Variants in DENND5A observed in about 807,000 individuals in gnomAD.
DENND5A encodes the protein DENN domain containing 5A, also known as DENN domain-containing protein 5A.
Under a neutral mutation model 140.3 loss-of-function variants are expected in DENND5A, and 64 were observed. The ratio of observed to expected loss-of-function variants is 0.46; its 90% CI spans 0.37 to 0.56. The LOEUF is 0.56. Ranked by LOEUF, DENND5A falls within the 20% of genes least tolerant of loss-of-function variation. The pLI is 0.00. For synonymous variants in DENND5A, 605 were observed against 607.7 expected (o/e 1.00, Z 0.07); for missense variants, 1,292 against 1,593.8 (o/e 0.81, Z 3.22).
chr11:9,202,641 T>C (rs955525449), intron 4 of DENND5A, among the ~76,000 whole-genome samples: 2 of 152,218 alleles, frequency 1.3e-5, no homozygotes, highest in Non-Finnish European at 2.9e-5. Flanking sequence ...GTCCTTACAA[T>C]GGCCTACAAG....
intron 12 of DENND5A, among the ~76,000 whole-genome samples, chr11:9,158,077 CTAATAA>C (rs1847868534): frequency 6.6e-6 from 1 of 152,102 alleles, no homozygotes; most frequent in African/African-American, 2.4e-5. Context: ...ACCTAAATGA[CTAATAA>C]TAAGAGATTG....
At chr11:9,146,906 C>G in intron 16 of DENND5A, 124 bp downstream of exon 16, 1 of 1,181,180 alleles carries the variant, frequency 8.5e-7, no homozygotes, top group South Asian at 1.5e-5. Context: ...CCCACAGAGG[C>G]AAAAGACAAA....
intron 1 of DENND5A, among the ~76,000 whole-genome samples, chr11:9,263,553 A>C (rs1017319875): frequency 1.4e-5 from 2 of 147,942 alleles, no homozygotes; most frequent in Non-Finnish European, 3.0e-5. Context: ...TTTTCATAAG[A>C]AACACTGGGC....
intron 1 of DENND5A, among the ~76,000 whole-genome samples, chr11:9,237,977 T>C (rs915835063): frequency 1.3e-5 from 2 of 152,234 alleles, no homozygotes; most frequent in Non-Finnish European, 1.5e-5. Flanking sequence ...TAAGTGTACA[T>C]GGATATTTGA....
chr11:9,167,232 C>G (rs1267463300), intron 10 of DENND5A, among the ~76,000 whole-genome samples: 1 of 152,092 alleles, frequency 6.6e-6, no homozygotes, highest in Non-Finnish European at 1.5e-5. Context: ...AGTGGCATAA[C>G]TCTGTCCATT....
intron 12 of DENND5A, among the ~76,000 whole-genome samples, chr11:9,157,052 T>A (rs1847829801): frequency 2.0e-5 from 3 of 152,092 alleles, no homozygotes. Flanking sequence ...CTTCACTAAC[T>A]CCCTAGAAAT....
intron 1 of DENND5A, among the ~76,000 whole-genome samples, 168 bp downstream of exon 1, chr11:9,264,793 T>C (rs940354937): frequency 5.9e-5 from 9 of 152,050 alleles, no homozygotes; most frequent in African/African-American, 2.2e-4. Context: ...GAGCCCCTCA[T>C]CCGTTTCCCC....
intron 8 of DENND5A, among the ~76,000 whole-genome samples, chr11:9,177,425 G>C (rs906132862): frequency 6.6e-6 from 1 of 151,936 alleles, no homozygotes; most frequent in Non-Finnish European, 1.5e-5. Context: ...GCCAAGACAG[G>C]AGGATCACTT....
At chr11:9,234,798 A>G (rs570293151) in intron 1 of DENND5A, among the ~76,000 whole-genome samples, 63 of 152,302 alleles carry the variant, frequency 4.1e-4, no homozygotes, top group African/African-American at 1.5e-3. Context: ...TTTATTTCCC[A>G]TAAGGAATAC....
chr11:9,219,249 C>T (rs984569039), intron 1 of DENND5A, among the ~76,000 whole-genome samples: 1 of 152,000 alleles, frequency 6.6e-6, no homozygotes, highest in African/African-American at 2.4e-5. Context: ...CAGACCCACA[C>T]CAAGACACGT....
At chr11:9,231,410 G>A (rs1403418299) in intron 1 of DENND5A, among the ~76,000 whole-genome samples, 2 of 152,132 alleles carry the variant, frequency 1.3e-5, no homozygotes, top group African/African-American at 4.8e-5. Context: ...TAGCACATAA[G>A]CAGATTTAAG....
At chr11:9,213,036 TC>T (rs1282219990) in intron 1 of DENND5A, among the ~76,000 whole-genome samples, 1 of 147,004 alleles carries the variant, frequency 6.8e-6, no homozygotes. Context: ...AGAGTTTTAC[TC>T]TTGTTGCCCA....
chr11:9,157,003 A>G (rs1847827671), intron 12 of DENND5A, among the ~76,000 whole-genome samples: 2 of 152,212 alleles, frequency 1.3e-5, no homozygotes, highest in South Asian at 4.1e-4. Context: ...CTTAGAACAT[A>G]TAATGATACG....
chr11:9,143,459 A>C lies in DENND5A; in HGVS notation c.3331T>G (p.Ser1111Ala). ...PKLNTGQIQE[S>A]IGEAVNGIVK... ...ATGCCATTGACTGCCTCCCCGATGG[A>C]CTCCTGGATCTGCCCAGTGTTCAGC... is the stretch of plus-strand genomic sequence containing the variant. The change falls in exon 20 of 23, where the codon TCC (serine) becomes GCC (alanine). Residue 1111 changes from serine (S) to alanine (A), a missense_variant. By Grantham distance (99) the Ser-to-Ala change is moderately conservative. Coordinates refer to ENST00000328194, the MANE Select transcript of DENND5A (RefSeq NM_015213.4). 6.2e-7 allele frequency: 1 copy of C among 1,614,058 alleles called. No individual in the cohort carries two copies. The highest frequency in any genetic ancestry group is 8.5e-7 in the Non-Finnish European group (1 of 1,179,968).
At chr11:9,224,856 CAAA>C (rs1003433174) in intron 1 of DENND5A, among the ~76,000 whole-genome samples, 4 of 93,976 alleles carry the variant, frequency 4.3e-5, no homozygotes, top group Admixed American at 1.2e-4. Context: ...AGACTCCATC[CAAA>C]AAAAAAAAAA....
intron 5 of DENND5A, among the ~76,000 whole-genome samples, chr11:9,182,480 T>C (rs986765188): frequency 6.6e-6 from 1 of 152,220 alleles, no homozygotes; most frequent in Non-Finnish European, 1.5e-5. Flanking sequence ...ACTTCAGTCA[T>C]ATGCTTAAGC....
In DENND5A at chr11:9,203,766, T is replaced by C. The variant is rs762884904; in HGVS notation, c.843A>G (p.Leu281=). The C allele has an allele frequency of 1.2e-5, 20 of 1,614,136 alleles. No homozygotes were observed. Among genetic ancestry groups the C allele is most frequent in the Admixed American group, 3.3e-5 (2 of 60,016 alleles). Residue 281 remains leucine (L), a synonymous_variant, in exon 4 of 23, where the codon CTA becomes CTG. Transcript: ENST00000328194. ...CQRPSTNELP[L]FDFPVKEVFE... ...AAACCTCTTTGACAGGAAAGTCAAA[T>C]AGGGGAAGCTCATTGGTACTTGGTC... is the stretch of plus-strand genomic sequence containing the variant.
rs962011995 is a variant in DENND5A at position 9,165,976 on chromosome 11, A to C, written c.2152-9T>G. 1.2e-6 allele frequency: 2 copies of C among 1,614,072 alleles called. No individual in the cohort carries two copies. Among genetic ancestry groups the C allele is most frequent in the Admixed American group, 1.7e-5 (1 of 60,020 alleles). On this transcript the variant is annotated splice_polypyrimidine_tract_variant and intron_variant, in intron 10 of 22. Transcript: ENST00000328194. Reference sequence around the variant, plus strand: ...GCTTCCTGGATGTACTTCTATATCAAACAGAAAAATAAAGACCCTTTGTGT... The same window carrying C: ...GCTTCCTGGATGTACTTCTATATCACACAGAAAAATAAAGACCCTTTGTGT...
intron 1 of DENND5A, among the ~76,000 whole-genome samples, chr11:9,262,543 C>G (rs1320336441): frequency 6.6e-6 from 1 of 152,152 alleles, no homozygotes; most frequent in Non-Finnish European, 1.5e-5. Flanking sequence ...CTAGTGTATA[C>G]AGGCCCCACT....
Sources: gnomAD v4.1 joint callset for allele counts (sites outside exome capture counted in the v4.1 genomes callset) on GRCh38, gnomAD v4.1.1 for gene constraint, MANE v1.5 for transcripts, NCBI Gene and HGNC (gene_info 2026-07-23, HGNC 2026-07-21) for gene names.